SEMA3A: variants seen among roughly 807,000 people sequenced by gnomAD.
SEMA3A encodes the protein semaphorin-3A.
SEMA3A carries 29 observed loss-of-function variants against 97.9 expected under a neutral mutation model. That is an observed-to-expected ratio of 0.30 (90% CI 0.22 to 0.40). The LOEUF is 0.40. Ranked by LOEUF, SEMA3A falls within the 10% of genes least tolerant of loss-of-function variation. The pLI, the probability that SEMA3A is intolerant of heterozygous loss-of-function variation, is 1.00. For missense variants in SEMA3A, 763 were observed against 951.3 expected (o/e 0.80, Z 2.60); for synonymous variants, 321 against 323.7 (o/e 0.99, Z 0.09).
At chr7:84,236,667 T>C (rs995830038) in intron 3 of SEMA3A, among the ~76,000 whole-genome samples, 2 of 152,286 alleles carry the variant, frequency 1.3e-5, no homozygotes, top group Non-Finnish European at 2.9e-5. Flanking sequence ...TAATTTGATA[T>C]AGAAAAAGAG....
intron 3 of SEMA3A, among the ~76,000 whole-genome samples, chr7:84,295,576 T>C (rs1030366770): frequency 4.5e-4 from 68 of 152,174 alleles, no homozygotes; most frequent in African/African-American, 1.6e-3. Context: ...CTTTTCTCAA[T>C]TCTTTCGTCC....
At chr7:84,114,566 C>T (rs2115957595) in intron 3 of SEMA3A, among the ~76,000 whole-genome samples, 1 of 150,414 alleles carries the variant, frequency 6.6e-6, no homozygotes, top group South Asian at 2.1e-4. Flanking sequence ...TGGGTGGATA[C>T]ATTTCTGCCT....
At chr7:84,034,127 G>A (rs920852891) in intron 6 of SEMA3A, among the ~76,000 whole-genome samples, 1 of 151,952 alleles carries the variant, frequency 6.6e-6, no homozygotes, top group Non-Finnish European at 1.5e-5. Flanking sequence ...GGGACCATAG[G>A]CACATACCAC....
intron 2 of SEMA3A, among the ~76,000 whole-genome samples, chr7:84,314,895 G>A (rs1038662208): frequency 6.6e-6 from 1 of 151,926 alleles, no homozygotes; most frequent in African/African-American, 2.4e-5. Context: ...ATAAATGGGA[G>A]GAAAACAATG....
At chr7:84,407,472 G>A (rs183518962) in intron 1 of SEMA3A, among the ~76,000 whole-genome samples, 5 of 152,072 alleles carry the variant, frequency 3.3e-5, no homozygotes, top group Middle Eastern at 3.4e-3. Flanking sequence ...TACTGCCCAA[G>A]GTAATTTATA....
At position 84,007,413 on chromosome 7, in the gene SEMA3A, A is replaced by T; in HGVS notation, c.1080T>A (p.Asp360Glu). Residue 360 changes from aspartate to glutamate, a missense_variant, in exon 10 of 17, where the codon GAT becomes GAA. Physicochemically the swap from Asp to Glu is conservative, Grantham distance 45 (BLOSUM62 2). This residue lies in a region of SEMA3A where 678 missense variants were observed against 881.3 expected (regional missense o/e 0.77). Coordinates refer to ENST00000265362, the MANE Select transcript of SEMA3A (RefSeq NM_006080.3). Reference protein sequence around the residue: ...RVFLGPYAHRDGPNYQWVPYQ... With the variant: ...RVFLGPYAHREGPNYQWVPYQ... ...AAGGCACCCATTGATAGTTGGGTCC[A>T]TCCCTGTGGGCATATGGACCAAGGA... 6.2e-7 allele frequency: 1 copy of T among 1,609,930 alleles called. No homozygotes were observed. Among genetic ancestry groups the T allele is most frequent in the South Asian group, 1.1e-5 (1 of 90,418 alleles).
At chr7:84,090,414 T>A (rs1794526706) in intron 4 of SEMA3A, among the ~76,000 whole-genome samples, 1 of 151,184 alleles carries the variant, frequency 6.6e-6, no homozygotes, top group Non-Finnish European at 1.5e-5. Flanking sequence ...AATACAATGT[T>A]TGCAGACGAT....
intron 6 of SEMA3A, among the ~76,000 whole-genome samples, chr7:84,032,210 G>A (rs1791786456): frequency 6.6e-6 from 1 of 152,138 alleles, no homozygotes; most frequent in South Asian, 2.1e-4. Flanking sequence ...TAGGGGTCTA[G>A]TGAAAGGGAG....
chr7:84,288,423 C>T (rs1800647665), intron 3 of SEMA3A, among the ~76,000 whole-genome samples: 2 of 152,052 alleles, frequency 1.3e-5, no homozygotes, highest in Admixed American at 6.6e-5. Flanking sequence ...TATAAATGAA[C>T]ACAATGAGGT....
intron 4 of SEMA3A, among the ~76,000 whole-genome samples, chr7:84,105,014 G>T (rs182542421): frequency 6.6e-6 from 1 of 152,188 alleles, no homozygotes; most frequent in East Asian, 1.9e-4. Context: ...TGAGGGATAT[G>T]CTGCATCTGA....
At chr7:84,024,854 G>T (rs1791490660) in intron 6 of SEMA3A, among the ~76,000 whole-genome samples, 1 of 152,068 alleles carries the variant, frequency 6.6e-6, no homozygotes, top group Non-Finnish European at 1.5e-5. Flanking sequence ...TTGGGAGGCC[G>T]AGGCAGGTGA....
chr7:84,478,166 C>T (rs746332410), intron 1 of SEMA3A, among the ~76,000 whole-genome samples: 13 of 152,094 alleles, frequency 8.5e-5, no homozygotes, highest in African/African-American at 2.4e-4. Context: ...CAGTTCCCTG[C>T]GGGACTTGGA....
chr7:84,051,920 AG>A (rs1293641641), intron 5 of SEMA3A, among the ~76,000 whole-genome samples: 6 of 150,146 alleles, frequency 4.0e-5, no homozygotes, highest in East Asian at 2.0e-4. Context: ...TTTAGCATGA[AG>A]GGTTGTTGAA....
chr7:84,408,346 T>C (rs930488838), intron 1 of SEMA3A, among the ~76,000 whole-genome samples: 6 of 151,810 alleles, frequency 4.0e-5, no homozygotes, highest in Non-Finnish European at 8.8e-5. Flanking sequence ...CAATGAGATA[T>C]CATCTCACAC....
chr7:84,355,096 G>A (rs1044766984), intron 2 of SEMA3A, among the ~76,000 whole-genome samples: 11 of 151,714 alleles, frequency 7.3e-5, no homozygotes, highest in African/African-American at 2.7e-4. Context: ...CTCTAAATCA[G>A]AATGTTCATA....
At chr7:84,378,190 A>G (rs891488068) in intron 1 of SEMA3A, among the ~76,000 whole-genome samples, 9 of 152,240 alleles carry the variant, frequency 5.9e-5, no homozygotes, top group East Asian at 1.9e-4. Context: ...ATGTCATTCT[A>G]TGATCAATAT....
intron 1 of SEMA3A, among the ~76,000 whole-genome samples, chr7:84,407,080 G>T (rs1562936346): frequency 6.6e-6 from 1 of 152,096 alleles, no homozygotes; most frequent in Non-Finnish European, 1.5e-5. Flanking sequence ...GAAATAAAGG[G>T]TATTCAATTA....
chr7:84,473,173 T>TGTGTGTGA (rs891778095), intron 1 of SEMA3A, among the ~76,000 whole-genome samples: 5 of 151,290 alleles, frequency 3.3e-5, no homozygotes, highest in African/African-American at 1.2e-4. Flanking sequence ...TGTGTGTGTG[T>TGTGTGTGA]GAAACCTACA....
intron 1 of SEMA3A, among the ~76,000 whole-genome samples, chr7:84,381,226 G>A (rs977848867): frequency 1.3e-5 from 2 of 152,094 alleles, no homozygotes; most frequent in Non-Finnish European, 2.9e-5. Context: ...TTGGAGGAAT[G>A]GTCATGGTGG....
Sources: allele counts gnomAD v4.1 joint callset (sites outside exome capture counted in the v4.1 genomes callset), GRCh38; gene constraint gnomAD v4.1.1; regional missense constraint gnomAD v4.1.1; transcripts MANE v1.5; gene names NCBI Gene and HGNC (gene_info 2026-07-23, HGNC 2026-07-21).